PCDHGA3: variants seen among roughly 807,000 people sequenced by gnomAD.
The protein encoded by PCDHGA3 is protocadherin gamma-A3.
Under a neutral mutation model 58.5 loss-of-function variants are expected in PCDHGA3, and 40 were observed. The ratio of observed to expected loss-of-function variants is 0.68; its 90% CI spans 0.53 to 0.89. The LOEUF is 0.89. Ranked by LOEUF, PCDHGA3 falls within the 40% of genes least tolerant of loss-of-function variation. PCDHGA3 has a pLI of 0.00. For synonymous variants in PCDHGA3, 530 were observed against 525.7 expected, an observed-to-expected ratio of 1.01 and a Z score of -0.11; for missense variants, 1,223 against 1,195.9, an observed-to-expected ratio of 1.02 and a Z score of -0.33.
At chr5:141,361,064 A>G in intron 1 of PCDHGA3, 3 of 1,613,918 alleles carry the variant, frequency 1.9e-6, no homozygotes, top group Non-Finnish European at 2.5e-6. Context: ...TTGGATTTTG[A>G]GATTGCAAGT....
At chr5:141,362,105 C>T (rs772642653) in intron 1 of PCDHGA3, 18 of 1,613,930 alleles carry the variant, frequency 1.1e-5, no homozygotes, top group Admixed American at 8.3e-5. Context: ...CTCTCCGCTA[C>T]GGCCACGCTG....
chr5:141,403,604 G>C, intron 1 of PCDHGA3: 2 of 1,613,768 alleles, frequency 1.2e-6, no homozygotes, highest in Non-Finnish European at 1.7e-6. Flanking sequence ...CTCGGATGGC[G>C]GCGAGCCGCG....
chr5:141,355,126 CCA>C (rs1759722609), intron 1 of PCDHGA3: 1 of 1,516,434 alleles, frequency 6.6e-7, no homozygotes, highest in Non-Finnish European at 8.8e-7. Context: ...TATTTTGGAC[CCA>C]GAAGATCCTG....
Position 141,489,361 on chromosome 5 carries a change from C to A in PCDHGA3, c.2425-5446C>A. ...TTACTCAGTGGTGGAGGAGTCTGAG[C>A]CGGGGACGCTGGTGGGGAATGTTGC... On this transcript the variant is annotated intron_variant, in intron 1 of 3. Transcript: ENST00000253812. This position sits in a 1 kb window ranked among gnomAD's most constrained non-coding sequence, Gnocchi z 4.5. 1 of 1,612,880 alleles carries A rather than the reference C, an allele frequency of 6.2e-7. No individual in the cohort carries two copies. The highest frequency in any genetic ancestry group is 8.5e-7 in the Non-Finnish European group (1 of 1,179,164).
chr5:141,398,165 G>A (rs574512663), intron 1 of PCDHGA3: 4 of 1,479,272 alleles, frequency 2.7e-6, no homozygotes, highest in South Asian at 2.8e-5. Context: ...CGGGCTGAGA[G>A]GCTGCCAGTG....
chr5:141,411,910 C>T (rs1248743908), intron 1 of PCDHGA3: 2 of 152,164 alleles, frequency 1.3e-5, no homozygotes, highest in East Asian at 1.9e-4. Context: ...TGCCTTTGCA[C>T]TCAGTCTCTG....
intron 1 of PCDHGA3, chr5:141,389,596 C>A: frequency 6.2e-7 from 1 of 1,613,132 alleles, no homozygotes; most frequent in Non-Finnish European, 8.5e-7. Context: ...GACGGCTCTG[C>A]GCTCTTCGAT....
At chr5:141,367,089 C>A in intron 1 of PCDHGA3, 1 of 258,634 alleles carries the variant, frequency 3.9e-6, no homozygotes, top group Non-Finnish European at 7.4e-6. Flanking sequence ...ATATTGTTCT[C>A]TTTTGAGTGT....
chr5:141,420,047 G>C (rs1242042066), intron 1 of PCDHGA3: 1 of 1,613,958 alleles, frequency 6.2e-7, no homozygotes, highest in East Asian at 2.2e-5. Flanking sequence ...CTTTGAGTCA[G>C]TTCTCTGCTC....
intron 3 of PCDHGA3, among the ~76,000 whole-genome samples, chr5:141,505,793 GGACTTGGATC>G (rs2099848390): frequency 6.6e-6 from 1 of 152,142 alleles, no homozygotes; most frequent in Non-Finnish European, 1.5e-5. Flanking sequence ...ACTATCCTTG[GGACTTGGATC>G]GACTTGCTCA....
intron 1 of PCDHGA3, chr5:141,356,930 T>C (rs1448089911): frequency 6.2e-7 from 1 of 1,614,192 alleles, no homozygotes; most frequent in East Asian, 2.2e-5. Flanking sequence ...GGTGTGGAGC[T>C]GGCACCCCGC....
intron 1 of PCDHGA3, chr5:141,389,259 G>C (rs374136353): frequency 6.2e-7 from 1 of 1,613,888 alleles, no homozygotes; most frequent in Non-Finnish European, 8.5e-7. Flanking sequence ...TATAGTCCAC[G>C]TGGCCGAGAA....
At chr5:141,409,290 G>A in intron 1 of PCDHGA3, 1 of 1,613,974 alleles carries the variant, frequency 6.2e-7, no homozygotes. Context: ...TCACCTCCAG[G>A]AATGGTTGTT....
chr5:141,418,064 A>T, intron 1 of PCDHGA3: 1 of 1,614,006 alleles, frequency 6.2e-7, no homozygotes, highest in Non-Finnish European at 8.5e-7. Flanking sequence ...GCTGCGAGTG[A>T]GCGCGGAGAA....
intron 1 of PCDHGA3, among the ~76,000 whole-genome samples, chr5:141,397,777 C>T (rs1589309887): frequency 6.6e-6 from 1 of 152,170 alleles, no homozygotes; most frequent in Non-Finnish European, 1.5e-5. Flanking sequence ...AGTATATGGA[C>T]GTAAAAACTT....
intron 1 of PCDHGA3, among the ~76,000 whole-genome samples, chr5:141,449,673 G>A (rs7725811): frequency 0.049 from 7,346 of 150,528 alleles, 281 homozygotes; most frequent in African/African-American, 0.1. Flanking sequence ...AAGTGTGTAT[G>A]TATATATGTT....
intron 1 of PCDHGA3, chr5:141,423,333 C>T (rs761192305): frequency 3.1e-6 from 5 of 1,614,184 alleles, no homozygotes; most frequent in Non-Finnish European, 4.2e-6. Context: ...CCGCAGTCTC[C>T]TGCATCTTCC....
rs201279747 is a variant in PCDHGA3, at chr5:141,414,931, G to A, written c.2424+68474G>A. On this transcript the variant is annotated intron_variant, in intron 1 of 3. Coordinates refer to ENST00000253812, the MANE Select transcript of PCDHGA3 (RefSeq NM_018916.4). ...AGGCGTGGAGCTGGCGCCCCGCTCC[G>A]CAGAGCCCGGCTACCTGGTGACCAA... 123 of 1,614,120 alleles carry A rather than the reference G, an allele frequency of 7.6e-5. No homozygotes were observed. In the East Asian group the frequency reaches 2.5e-3, roughly 33 times the overall value.
chr5:141,466,115 C>A (rs2099117208), intron 1 of PCDHGA3, among the ~76,000 whole-genome samples: 1 of 151,618 alleles, frequency 6.6e-6, no homozygotes, highest in African/African-American at 2.4e-5. Context: ...GAGTGAGACT[C>A]CAGCTCAAAA....
Sources: gnomAD v4.1 joint callset for allele counts (sites outside exome capture counted in the v4.1 genomes callset) on GRCh38, gnomAD v4.1.1 for gene constraint, Gnocchi (gnomAD v3.1) non-coding constraint, MANE v1.5 for transcripts, NCBI Gene and HGNC (gene_info 2026-07-23, HGNC 2026-07-21) for gene names.